MORC4: variants seen among roughly 807,000 people sequenced by gnomAD.
MORC4 encodes the protein MORC family CW-type zinc finger 4.
Under a neutral mutation model 65.5 loss-of-function variants are expected in MORC4, and 22 were observed. That is an observed-to-expected ratio of 0.34 (90% CI 0.24 to 0.48). MORC4 has a LOEUF of 0.48. Among genes scored for constraint, MORC4 ranks in the 20% least tolerant of loss-of-function variants. The pLI is 0.99. For synonymous variants in MORC4, 267 were observed against 255.8 expected, an observed-to-expected ratio of 1.04 and a Z score of -0.42; for missense variants, 624 against 703.0, an observed-to-expected ratio of 0.89 and a Z score of 1.27.
intron 3 of MORC4, among the ~76,000 whole-genome samples, chrX:106,987,975 G>A (rs895699875): frequency 4.5e-5 from 5 of 111,098 alleles, no homozygotes; most frequent in South Asian, 3.8e-4. Context: ...TCTTGTGGAA[G>A]AATTGGCTTT....
intron 9 of MORC4, among the ~76,000 whole-genome samples, chrX:106,972,239 T>C (rs1358375212): frequency 9.0e-6 from 1 of 111,011 alleles, no homozygotes; most frequent in African/African-American, 3.3e-5. Flanking sequence ...ACACCGCATG[T>C]TCTCACTCAT....
chrX:106,966,233 A>C (rs1289703900), intron 9 of MORC4, among the ~76,000 whole-genome samples: 1 of 112,557 alleles, frequency 8.9e-6, no homozygotes, highest in African/African-American at 3.2e-5. Flanking sequence ...GGGGCTGAAC[A>C]ATCTTTTGAT....
At chrX:106,979,575 C>T (rs1934698131) in intron 7 of MORC4, among the ~76,000 whole-genome samples, 1 of 110,753 alleles carries the variant, frequency 9.0e-6, no homozygotes, top group Admixed American at 9.6e-5. Flanking sequence ...TCCTCAGTGA[C>T]CTTGGGGGAA....
At chrX:106,973,775 GA>G (rs1934570126) in intron 9 of MORC4, among the ~76,000 whole-genome samples, 1 of 111,459 alleles carries the variant, frequency 9.0e-6, no homozygotes, top group Non-Finnish European at 1.9e-5. Flanking sequence ...GAAGGTGATG[GA>G]AGAGGGCCAT....
chrX:106,972,450 G>C (rs189337583), intron 9 of MORC4, among the ~76,000 whole-genome samples: 7 of 110,735 alleles, frequency 6.3e-5, no homozygotes, highest in Admixed American at 5.8e-4. Context: ...ATGTAACCCA[G>C]AATTTAAAGT....
intron 14 of MORC4, among the ~76,000 whole-genome samples, chrX:106,954,621 T>G (rs1038364957): frequency 1.8e-5 from 2 of 112,352 alleles, no homozygotes; most frequent in African/African-American, 6.5e-5. Flanking sequence ...TTTTCAAATT[T>G]TGTCTATTAT....
At chrX:106,998,600 C>T (rs1266995628) in intron 2 of MORC4, among the ~76,000 whole-genome samples, 1 of 112,554 alleles carries the variant, frequency 8.9e-6, no homozygotes, top group Non-Finnish European at 1.9e-5. Context: ...AGTGCACAGC[C>T]CCAAGGCACA....
chrX:106,941,365 T>C lies in MORC4; in HGVS notation c.*114A>G. The C allele has an allele frequency of 6.7e-6, 3 of 446,789 alleles. No homozygotes were observed. Among genetic ancestry groups the C allele is most frequent in the Non-Finnish European group, 1.0e-5 (3 of 289,911 alleles). 36.8% of individuals were successfully genotyped at this position (446,789 alleles called of 1,213,427 possible). A position where few individuals can be genotyped will look rare whatever the true frequency, so the allele number is the denominator to read the frequency against. ...AGATTCTCTATATAAGGCATAAAGG[T>C]GAGGGTGAGAGAGAGAGAGAGAGAG... On this transcript the variant is annotated 3_prime_UTR_variant, in exon 17 of 17. Coordinates refer to ENST00000355610, the MANE Select transcript of MORC4 (RefSeq NM_024657.5).
At position 106,942,925 on chromosome X, in the gene MORC4, A is replaced by T; in HGVS notation, c.1966T>A (p.Ser656Thr). The T allele has an allele frequency of 5.8e-6, 7 of 1,211,385 alleles. No individual in the cohort carries two copies. The highest frequency in any genetic ancestry group is 7.8e-6 in the Non-Finnish European group (7 of 895,398). Residue 656 changes from serine (S) to threonine (T), a missense_variant, in exon 15 of 17, where the codon TCC becomes ACC. Transcript: ENST00000355610. ...YPGAKDQRQG[S>T]LLPEELEDQM... is the part of the protein sequence containing the mutation. The stretch of plus-strand genomic sequence containing the variant: ...TCTTCTAATTCTTCAGGAAGCAGGG[A>T]CCCCTGGCGTTGGTCTTTGGCCCCT...
chrX:106,994,005 T>C (rs1393301354), intron 2 of MORC4, among the ~76,000 whole-genome samples: 3 of 112,224 alleles, frequency 2.7e-5, no homozygotes, highest in Non-Finnish European at 3.8e-5. Flanking sequence ...CTTAGGTATT[T>C]TGTAATAGTT....
chrX:106,988,687 T>A (rs1352555257), intron 3 of MORC4, among the ~76,000 whole-genome samples: 1 of 112,237 alleles, frequency 8.9e-6, no homozygotes, highest in Non-Finnish European at 1.9e-5. Flanking sequence ...TATAGCTCAG[T>A]AATAATTTTC....
At chrX:106,978,403 A>G (rs1934669641) in intron 7 of MORC4, among the ~76,000 whole-genome samples, 1 of 111,320 alleles carries the variant, frequency 9.0e-6, no homozygotes. Context: ...TTTATCCCAC[A>G]GAAACAGTCA....
At chrX:106,976,039 C>A (rs1934616398) in intron 9 of MORC4, among the ~76,000 whole-genome samples, 1 of 111,344 alleles carries the variant, frequency 9.0e-6, no homozygotes, top group Non-Finnish European at 1.9e-5. Flanking sequence ...ACTATTCTAA[C>A]CTGGCTTTAA....
chrX:106,996,727 A>C, intron 2 of MORC4, among the ~76,000 whole-genome samples: 1 of 111,768 alleles, frequency 8.9e-6, no homozygotes, highest in African/African-American at 3.3e-5. Context: ...TTCATTCCCT[A>C]ACCTGGCCAC....
chrX:106,976,666 C>T lies in MORC4; in HGVS notation c.1075G>A (p.Val359Ile), dbSNP rs1286152454. The change falls in exon 9 of 17, where the codon GTA (valine) becomes ATA (isoleucine). Residue 359 changes from valine (V) to isoleucine (I), a missense_variant. Transcript: ENST00000355610. ...CACTCAATGACTCCAATTACTCCTA[C>T]ACCTTCTCCACGAGTTGGCTTAGAA... Reference protein sequence around the residue: ...CQVKPTRGEGVGVIGVIECNF... With the variant: ...CQVKPTRGEGIGVIGVIECNF... The T allele has an allele frequency of 5.8e-6, 7 of 1,200,507 alleles. No homozygotes were observed. Among genetic ancestry groups the T allele is most frequent in the Non-Finnish European group, 6.8e-6 (6 of 886,149 alleles).
intron 3 of MORC4, among the ~76,000 whole-genome samples, chrX:106,990,844 C>T (rs895466648): frequency 2.7e-5 from 3 of 110,611 alleles, no homozygotes; most frequent in African/African-American, 9.9e-5. Context: ...TGCACTCCAG[C>T]CTGAGGGACA....
In MORC4 at chrX:106,943,848, C is replaced by G. The variant is rs769938548; in HGVS notation, c.1686-643G>C. Among the ~76,000 whole-genome samples the G allele has an allele frequency of 3.9e-4, 44 of 112,583 alleles. 1 individual carries two copies. Among genetic ancestry groups the G allele is most frequent in the African/African-American group, 1.4e-3 (43 of 31,050 alleles). The stretch of plus-strand genomic sequence containing the variant: ...TTTTCCCCTTGTGACAAAGAATTCC[C>G]GTGCTCAAGCACAAGCAGACACTCC... On this transcript the variant is annotated intron_variant, in intron 14 of 16. Coordinates refer to ENST00000355610, the MANE Select transcript of MORC4 (RefSeq NM_024657.5).
chrX:106,994,216 G>T (rs370543374), intron 2 of MORC4, among the ~76,000 whole-genome samples: 2 of 112,171 alleles, frequency 1.8e-5, no homozygotes, highest in East Asian at 5.6e-4. Context: ...TCTAGTTGCC[G>T]CATGTTTTTG....
intron 9 of MORC4, among the ~76,000 whole-genome samples, chrX:106,972,035 A>G (rs1002868212): frequency 1.8e-5 from 2 of 112,475 alleles, no homozygotes; most frequent in Admixed American, 1.9e-4. Flanking sequence ...TTATTGTGGC[A>G]CTATTCACAA....
Sources: gnomAD v4.1 joint callset for allele counts (sites outside exome capture counted in the v4.1 genomes callset) on GRCh38, gnomAD v4.1.1 for gene constraint, MANE v1.5 for transcripts, NCBI Gene and HGNC (gene_info 2026-07-23, HGNC 2026-07-21) for gene names.